Variants in KLF13 observed in about 807,000 individuals in gnomAD.
The protein encoded by KLF13 is Krueppel-like factor 13.
In KLF13, 8 loss-of-function variants were observed where a neutral mutation model predicts 16.7. The observed-to-expected ratio is 0.48, with a 90% CI of 0.28 to 0.87. The LOEUF is 0.87. KLF13 is among the 40% of genes least tolerant of loss of function. The pLI, the probability that KLF13 is intolerant of heterozygous loss-of-function variation, is 0.10. For synonymous variants in KLF13, 245 were observed against 208.4 expected, an observed-to-expected ratio of 1.18 and a Z score of -1.51; for missense variants, 447 against 452.2, an observed-to-expected ratio of 0.99 and a Z score of 0.10.
chr15:31,411,964 C>T (rs1044601553), intron 1 of KLF13, among the ~76,000 whole-genome samples: 2 of 152,172 alleles, frequency 1.3e-5, no homozygotes, highest in African/African-American at 4.8e-5. Flanking sequence ...TTTACTACTC[C>T]TATTCAACAT....
intron 2 of KLF13, among the ~76,000 whole-genome samples, chr15:31,397,301 C>T (rs2039966949): frequency 6.6e-6 from 1 of 152,154 alleles, no homozygotes; most frequent in Non-Finnish European, 1.5e-5. Flanking sequence ...GGCTTCCCGG[C>T]GCTCCGCTCA....
chr15:31,413,203 C>CAAAAAAAAAAAAAAAAAAAAAAAAA (rs1341640127), intron 1 of KLF13, among the ~76,000 whole-genome samples: 1 of 130,240 alleles, frequency 7.7e-6, no homozygotes, highest in Non-Finnish European at 1.6e-5. Flanking sequence ...AAAAAAAAAA[C>CAAAAAAAAAAAAAAAAAAAAAAAAA]AAAAAACAAA....
chr15:31,363,649 GC>G (rs1206923611), intron 1 of KLF13, among the ~76,000 whole-genome samples: 1 of 152,140 alleles, frequency 6.6e-6, no homozygotes. Flanking sequence ...ACCACGCCCG[GC>G]TGATTTTGTA....
intron 1 of KLF13, among the ~76,000 whole-genome samples, chr15:31,329,142 G>A (rs889151606): frequency 9.9e-5 from 15 of 152,000 alleles, no homozygotes; most frequent in Non-Finnish European, 2.1e-4. Context: ...CAGGTGATGG[G>A]GTAGAGGGTG....
chr15:31,424,888 C>CACACACAT (rs1158501881), intron 1 of KLF13, among the ~76,000 whole-genome samples: 2 of 151,730 alleles, frequency 1.3e-5, no homozygotes, highest in Non-Finnish European at 2.9e-5. Context: ...CACACACACA[C>CACACACAT]ACACACACAC....
At chr15:31,333,965 G>T (rs1290374498) in intron 1 of KLF13, among the ~76,000 whole-genome samples, 1 of 152,018 alleles carries the variant, frequency 6.6e-6, no homozygotes, top group Non-Finnish European at 1.5e-5. Context: ...GGGGGGGAGG[G>T]CATGGGATAT....
chr15:31,410,582 A>AAC (rs71110871), intron 1 of KLF13, among the ~76,000 whole-genome samples: 2,005 of 146,888 alleles, frequency 0.014, 29 homozygotes, highest in African/African-American at 0.041. Context: ...AACACCAACC[A>AAC]ACACACACAC....
chr15:31,330,628 C>T (rs1294247407), intron 1 of KLF13, among the ~76,000 whole-genome samples: 1 of 152,240 alleles, frequency 6.6e-6, no homozygotes, highest in African/African-American at 2.4e-5. Context: ...CACCCCCACT[C>T]TCTGAACAGC....
chr15:31,357,623 A>T lies in KLF13; in HGVS notation c.578-14387A>T, dbSNP rs191060859. 7.9e-5 allele frequency among the ~76,000 whole-genome samples: 12 copies of T among 152,190 alleles called. No individual in the cohort carries two copies. The East Asian group carries it at 2.3e-3, about 29-fold the overall frequency. On this transcript the variant is annotated intron_variant, in intron 1 of 1. Coordinates refer to ENST00000307145, the MANE Select transcript of KLF13 (RefSeq NM_015995.4). ...GCTGTTCCCCACACCCCTGTTCTGG[A>T]GGCTGCCCTACTCTGAGCTGGGTCT...
intron 1 of KLF13, among the ~76,000 whole-genome samples, chr15:31,364,094 T>A (rs535990058): frequency 2.0e-5 from 1 of 49,904 alleles, no homozygotes; most frequent in Non-Finnish European, 5.3e-5. Flanking sequence ...AGTGATCAGC[T>A]TACGAAACTG....
intron 1 of KLF13, among the ~76,000 whole-genome samples, chr15:31,338,375 G>C (rs938638885): frequency 6.6e-6 from 1 of 152,166 alleles, no homozygotes; most frequent in Non-Finnish European, 1.5e-5. Flanking sequence ...TTGTATATGC[G>C]CATGCACACG....
At chr15:31,420,360 G>T in intron 1 of KLF13, 1 of 1,122,590 alleles carries the variant, frequency 8.9e-7, no homozygotes. Context: ...GAAGACCTGA[G>T]GTATAAGCTC....
Position 31,377,481 on chromosome 15 carries a change from A to AG in KLF13, c.*5183dup, listed in dbSNP as rs1289277665. 1 of 152,686 alleles carries AG rather than the reference A, an allele frequency of 6.5e-6. No homozygotes were observed. The highest frequency in any genetic ancestry group is 1.5e-5 in the Non-Finnish European group (1 of 68,074). 9.5% of individuals were successfully genotyped at this position (152,686 alleles called of 1,614,324 possible). The stretch of plus-strand genomic sequence containing the variant: ...TGTTGGGTGCATGCTTCCGGGTCTC[A>AG]GCTGCCCCAGGCCCGCACAGGCAAC... On this transcript the variant is annotated 3_prime_UTR_variant, in exon 2 of 2. Transcript: ENST00000307145.
chr15:31,365,192 T>C (rs374418947), intron 1 of KLF13, among the ~76,000 whole-genome samples: 1 of 152,250 alleles, frequency 6.6e-6, no homozygotes. Flanking sequence ...CCTGGGAGCC[T>C]GAGGGCAAGC....
intron 1 of KLF13, among the ~76,000 whole-genome samples, chr15:31,370,035 C>T (rs193131716): frequency 1.4e-3 from 208 of 148,190 alleles, no homozygotes; most frequent in Middle Eastern, 7.1e-3. Flanking sequence ...AGTTTCCTGT[C>T]TCCTTTTTCT....
downstream of KLF13, among the ~76,000 whole-genome samples, chr15:31,408,287 G>C (rs1169473662): frequency 1.3e-5 from 2 of 152,256 alleles, no homozygotes; most frequent in South Asian, 4.1e-4. Context: ...TTCTCACCAG[G>C]TAGTCACAGA....
chr15:31,357,320 C>T (rs1488373375), intron 1 of KLF13, among the ~76,000 whole-genome samples: 1 of 152,248 alleles, frequency 6.6e-6, no homozygotes, highest in Non-Finnish European at 1.5e-5. Flanking sequence ...TCACCTGTCT[C>T]TGCTCCTTGG....
At chr15:31,338,852 G>A (rs1315651736) in intron 1 of KLF13, among the ~76,000 whole-genome samples, 2 of 152,044 alleles carry the variant, frequency 1.3e-5, no homozygotes, top group Admixed American at 1.3e-4. Flanking sequence ...TTGTACTGTG[G>A]GATCTGAGCA....
At chr15:31,381,253 C>A (rs1172876944), downstream of KLF13, among the ~76,000 whole-genome samples, 2 of 151,586 alleles carry the variant, frequency 1.3e-5, no homozygotes, top group African/African-American at 2.4e-5. Flanking sequence ...CAAATTTATT[C>A]TTTTATTCTC....
Sources: allele counts gnomAD v4.1 joint callset (sites outside exome capture counted in the v4.1 genomes callset), GRCh38; gene constraint gnomAD v4.1.1; transcripts MANE v1.5; gene names NCBI Gene and HGNC (gene_info 2026-07-23, HGNC 2026-07-21).